Variants in NECAB2 observed in about 807,000 individuals in gnomAD.
NECAB2 encodes N-terminal EF-hand calcium binding protein 2.
In NECAB2, 68 loss-of-function variants were observed where a neutral mutation model predicts 51.9. The ratio of observed to expected loss-of-function variants is 1.31; its 90% CI spans 1.08 to 1.60. NECAB2 has a LOEUF of 1.60. Among genes scored for constraint, NECAB2 ranks in the 40% most tolerant of loss-of-function variants. NECAB2 has a pLI of 0.00. For synonymous variants in NECAB2, 329 were observed against 203.5 expected (o/e 1.62, Z -5.25); for missense variants, 854 against 490.3 (o/e 1.74, Z -7.00).
intron 6 of NECAB2, among the ~76,000 whole-genome samples, chr16:83,991,944 C>G (rs931557591): frequency 5.9e-5 from 9 of 152,044 alleles, no homozygotes; most frequent in African/African-American, 1.4e-4. Flanking sequence ...CAGGAGCCAC[C>G]ACACCCCAGC....
intron 8 of NECAB2, among the ~76,000 whole-genome samples, chr16:83,995,386 A>G (rs1333573989): frequency 7.5e-6 from 1 of 133,602 alleles, no homozygotes; most frequent in African/African-American, 4.2e-5. Flanking sequence ...CTCCTCTGAT[A>G]ATCAAGAAAA....
chr16:83,982,209 G>C (rs9931134), intron 5 of NECAB2, among the ~76,000 whole-genome samples: 40,005 of 151,158 alleles, frequency 0.26, 9,657 homozygotes, highest in African/African-American at 0.66. Flanking sequence ...ATGCTTCTCA[G>C]TTAGTGACCG....
chr16:83,996,764 C>T lies in NECAB2; in HGVS notation c.796-452C>T, dbSNP rs77907509. On this transcript the variant is annotated intron_variant, in intron 8 of 12. Coordinates refer to ENST00000305202, the MANE Select transcript of NECAB2 (RefSeq NM_019065.3). Reference sequence around the variant, plus strand: ...CAGAGCAGATGTGGTTCCTGGAGACCGAAACTTACAGTGGGGCAGCACCTT... The same window carrying T: ...CAGAGCAGATGTGGTTCCTGGAGACTGAAACTTACAGTGGGGCAGCACCTT... 5.6e-3 allele frequency among the ~76,000 whole-genome samples: 859 copies of T among 152,190 alleles called. 10 individuals carry two copies. The highest frequency in any genetic ancestry group is 0.02 in the African/African-American group (814 of 41,506).
chr16:83,983,790 T>C (rs2084517734), intron 5 of NECAB2, among the ~76,000 whole-genome samples: 1 of 152,144 alleles, frequency 6.6e-6, no homozygotes, highest in African/African-American at 2.4e-5. Flanking sequence ...AATGATTTTG[T>C]GAAGTGGTTT....
intron 6 of NECAB2, among the ~76,000 whole-genome samples, chr16:83,991,518 C>T (rs2084625356): frequency 6.6e-6 from 1 of 151,516 alleles, no homozygotes; most frequent in African/African-American, 2.4e-5. Flanking sequence ...AGATGCCCAC[C>T]AGCACACCCA....
At chr16:83,984,586 C>T (rs1430566645) in intron 5 of NECAB2, among the ~76,000 whole-genome samples, 5 of 151,954 alleles carry the variant, frequency 3.3e-5, no homozygotes, top group Admixed American at 6.6e-5. Flanking sequence ...CAAAATTAGC[C>T]GAGCATGGTG....
chr16:84,000,500 G>C (rs73248880), intron 10 of NECAB2, among the ~76,000 whole-genome samples: 1 of 152,156 alleles, frequency 6.6e-6, no homozygotes, highest in African/African-American at 2.4e-5. Context: ...AAACTACACT[G>C]CATTGATTCT....
chr16:83,983,397 C>T (rs765194194), intron 5 of NECAB2, among the ~76,000 whole-genome samples: 4 of 152,170 alleles, frequency 2.6e-5, no homozygotes, highest in African/African-American at 4.8e-5. Context: ...GCCAGGCATG[C>T]TTGTTTGGCT....
At chr16:83,984,171 A>T (rs542753788) in intron 5 of NECAB2, among the ~76,000 whole-genome samples, 2 of 151,326 alleles carry the variant, frequency 1.3e-5, no homozygotes, top group African/African-American at 4.8e-5. Context: ...AATTTTTTGT[A>T]TTTTTAGTAG....
In NECAB2 at chr16:83,994,799, T is replaced by G. The variant is rs1014675683; in HGVS notation, c.795+111T>G. 4.6e-5 allele frequency: 57 copies of G among 1,231,134 alleles called. 1 individual carries two copies. In the African/African-American group the frequency reaches 7.7e-4, roughly 17 times the overall value. 76.3% of individuals were successfully genotyped at this position (1,231,134 alleles called of 1,614,324 possible). ...GGGCTGCAGAGGGGCCAGGGAACCA[T>G]GAAAAAGACATCCCCCAGGTGGGGC... On this transcript the variant is annotated intron_variant, in intron 8 of 12. Coordinates refer to ENST00000305202, the MANE Select transcript of NECAB2 (RefSeq NM_019065.3).
At chr16:83,978,419 C>A (rs374072568) in intron 2 of NECAB2, 25 bp from the exon 3 acceptor site, 1 of 1,602,962 alleles carries the variant, frequency 6.2e-7, no homozygotes. Flanking sequence ...GACACCAGCT[C>A]CTTTCTCTGC....
chr16:83,984,156 T>C (rs754724685), intron 5 of NECAB2, among the ~76,000 whole-genome samples: 94 of 151,926 alleles, frequency 6.2e-4, no homozygotes, highest in East Asian at 3.1e-3. Context: ...CTACTACGCC[T>C]GGCTAATTTT....
rs1270059180 is a variant in NECAB2 at position 83,968,266 on chromosome 16, G to C, written c.-383G>C. ...GGCCTCTGCTGCGCGCCGCGAGTGG[G>C]AGGGGGGACTTTAGAAGCGGGGAGA... On this transcript the variant is annotated 5_prime_UTR_variant, in exon 1 of 13. Coordinates refer to ENST00000305202, the MANE Select transcript of NECAB2 (RefSeq NM_019065.3). 6.6e-6 allele frequency among the ~76,000 whole-genome samples: 1 copy of C among 151,406 alleles called. No homozygotes were observed. The highest frequency in any genetic ancestry group is 6.6e-5 in the Admixed American group (1 of 15,224).
At chr16:83,970,912 G>A (rs897875190) in intron 1 of NECAB2, among the ~76,000 whole-genome samples, 3 of 152,170 alleles carry the variant, frequency 2.0e-5, no homozygotes, top group Non-Finnish European at 2.9e-5. Context: ...GACCAACAAG[G>A]TGAAACCTCG....
In NECAB2 at chr16:83,990,622, C is replaced by T. The variant is rs780148896; in HGVS notation, c.588C>T (p.Ser196=). 3.2e-5 allele frequency: 51 copies of T among 1,614,056 alleles called. No individual in the cohort carries two copies. The highest frequency in any genetic ancestry group is 1.6e-4 in the Middle Eastern group (1 of 6,062). ...SAVEAIEEQT[S]QLRQNHIKPS... ...TGGAGGCCATCGAGGAACAGACCAG[C>T]CAGCTCCGGTGAGTCTCTGAGACCC... Residue 196 remains serine (S), a synonymous_variant, in exon 6 of 13, where the codon AGC becomes AGT. Transcript: ENST00000305202.
chr16:84,002,502 C>T lies in NECAB2; in HGVS notation c.*156C>T, dbSNP rs567685754. The T allele has an allele frequency of 4.9e-5, 45 of 910,934 alleles. No individual in the cohort carries two copies. The African/African-American group carries it at 6.5e-4, about 13-fold the overall frequency. The allele number at this position is 910,934 out of a possible 1,614,324, so 56.4% of individuals were successfully genotyped here. On this transcript the variant is annotated 3_prime_UTR_variant, in exon 13 of 13. Coordinates refer to ENST00000305202, the MANE Select transcript of NECAB2 (RefSeq NM_019065.3). ...CTGTTGTTAAGTGAAGGAGGCCGCCCCTGCCCCCACCTGAGAAGGCAGAGC... is the reference window on the plus strand; with the variant it reads ...CTGTTGTTAAGTGAAGGAGGCCGCCTCTGCCCCCACCTGAGAAGGCAGAGC...
Position 83,998,594 on chromosome 16 carries a change from A to G in NECAB2, c.962+277A>G, listed in dbSNP as rs146818156. 8.1e-4 allele frequency among the ~76,000 whole-genome samples: 123 copies of G among 152,210 alleles called. 2 individuals are homozygous for G. The highest frequency in any genetic ancestry group is 2.6e-3 in the African/African-American group (110 of 41,524). On this transcript the variant is annotated intron_variant, in intron 10 of 12. Transcript: ENST00000305202. ...TGCTGGGGTGATCATGAGTGCATAT[A>G]CAATCAAGTGTGTGAATCTCAAGTG...
chr16:83,984,816 G>C (rs2084532152), intron 5 of NECAB2, among the ~76,000 whole-genome samples: 1 of 152,168 alleles, frequency 6.6e-6, no homozygotes, highest in African/African-American at 2.4e-5. Context: ...GTATTTGACA[G>C]TTTTGCCTGT....
intron 6 of NECAB2, among the ~76,000 whole-genome samples, chr16:83,992,380 C>CA (rs1567674256): frequency 6.9e-6 from 1 of 145,154 alleles, no homozygotes; most frequent in African/African-American, 2.7e-5. Flanking sequence ...GCACCCGTCC[C>CA]CCCGCCCACC....
Sources: gnomAD v4.1 joint callset for allele counts (sites outside exome capture counted in the v4.1 genomes callset) on GRCh38, gnomAD v4.1.1 for gene constraint, MANE v1.5 for transcripts, NCBI Gene and HGNC (gene_info 2026-07-23, HGNC 2026-07-21) for gene names.